Variants in TMEM117 observed in about 807,000 individuals in gnomAD.
TMEM117 encodes transmembrane protein 117.
A neutral mutation model predicts 52.4 loss-of-function variants in TMEM117; 27 were observed. The observed-to-expected ratio is 0.51, with a 90% CI of 0.38 to 0.71. The LOEUF is 0.71. TMEM117 is among the 30% of genes least tolerant of loss of function. The pLI is 0.00. For missense variants in TMEM117, 556 were observed against 630.5 expected, an observed-to-expected ratio of 0.88 and a Z score of 1.26; for synonymous variants, 215 against 206.3, an observed-to-expected ratio of 1.04 and a Z score of -0.36.
intron 6 of TMEM117, among the ~76,000 whole-genome samples, chr12:44,330,001 TA>T (rs1239020438): frequency 6.6e-6 from 1 of 152,086 alleles, no homozygotes; most frequent in Non-Finnish European, 1.5e-5. Context: ...TTCAAGTTCC[TA>T]CTTTCAGGGG....
In TMEM117 at chr12:44,323,857, A is replaced by G. The variant is rs181143720; in HGVS notation, c.768+24118A>G. ...CTATATTTATAAATGAGGTGTGTGT[A>G]TTCTTTTTTTCCTGCAATTTTTAAA... On this transcript the variant is annotated intron_variant, in intron 6 of 7. Coordinates refer to ENST00000266534, the MANE Select transcript of TMEM117 (RefSeq NM_032256.3). Among the ~76,000 whole-genome samples, 140 of 152,168 alleles carry G rather than the reference A, an allele frequency of 9.2e-4. 1 individual carries two copies. The highest frequency in any genetic ancestry group is 2.9e-3 in the African/African-American group (122 of 41,556).
At chr12:44,191,688 G>T (rs1416808844) in intron 4 of TMEM117, among the ~76,000 whole-genome samples, 6 of 151,968 alleles carry the variant, frequency 3.9e-5, no homozygotes, top group Non-Finnish European at 8.8e-5. Context: ...CCTCATCCAG[G>T]TCTCACAACA....
chr12:44,299,333 G>A (rs7966220), intron 5 of TMEM117, among the ~76,000 whole-genome samples: 7,152 of 151,936 alleles, frequency 0.047, 345 homozygotes, highest in African/African-American at 0.12. Context: ...GGGATTCACC[G>A]TGTTGGACAG....
intron 6 of TMEM117, among the ~76,000 whole-genome samples, chr12:44,354,204 G>A (rs1311580673): frequency 6.6e-6 from 1 of 152,032 alleles, no homozygotes; most frequent in African/African-American, 2.4e-5. Flanking sequence ...CTGAGACGAT[G>A]GGTTTTCTAG....
downstream of TMEM117, among the ~76,000 whole-genome samples, chr12:44,393,480 A>G (rs1952170015): frequency 6.9e-6 from 1 of 143,994 alleles, no homozygotes; most frequent in African/African-American, 2.7e-5. Flanking sequence ...AGTAGGGTTA[A>G]TTTCACTATA....
At chr12:44,393,047 A>G (rs1952168338), downstream of TMEM117, among the ~76,000 whole-genome samples, 1 of 152,206 alleles carries the variant, frequency 6.6e-6, no homozygotes, top group African/African-American at 2.4e-5. Flanking sequence ...GAGATTCTGA[A>G]AAAATTTAAT....
intron 2 of TMEM117, among the ~76,000 whole-genome samples, chr12:43,880,602 A>G: frequency 6.6e-6 from 1 of 152,276 alleles, no homozygotes; most frequent in Non-Finnish European, 1.5e-5. Context: ...GGTGCCTTGG[A>G]ACTGGGTGCA....
chr12:43,907,680 C>G (rs1040141687), intron 2 of TMEM117, among the ~76,000 whole-genome samples: 2 of 151,298 alleles, frequency 1.3e-5, no homozygotes, highest in Non-Finnish European at 2.9e-5. Flanking sequence ...AACCAAGGCT[C>G]GAGAACTACA....
At chr12:44,104,083 T>C (rs901739659) in intron 3 of TMEM117, among the ~76,000 whole-genome samples, 2 of 152,008 alleles carry the variant, frequency 1.3e-5, no homozygotes, top group Non-Finnish European at 2.9e-5. Context: ...ATAAGCAAGA[T>C]ATGGAGTTAA....
chr12:44,193,325 C>T (rs1279312136), intron 4 of TMEM117, among the ~76,000 whole-genome samples: 1 of 152,172 alleles, frequency 6.6e-6, no homozygotes, highest in Non-Finnish European at 1.5e-5. Flanking sequence ...ATAAAACAGA[C>T]GGATAAGTAA....
At chr12:43,830,607 T>A in the TMEM117 span, among the ~76,000 whole-genome samples, 1 of 125,926 alleles carries the variant, frequency 7.9e-6, no homozygotes, top group Non-Finnish European at 1.6e-5. Flanking sequence ...AAGACACTTG[T>A]CTCAAAAAAA....
chr12:43,805,828 C>A, the TMEM117 span: 1 of 1,384,544 alleles, frequency 7.2e-7, no homozygotes, highest in Non-Finnish European at 9.6e-7. Context: ...AAAGAAAACT[C>A]GCCTGGTTCT....
chr12:43,814,738 CTT>C, the TMEM117 span, among the ~76,000 whole-genome samples: 138 of 107,638 alleles, frequency 1.3e-3, no homozygotes, highest in East Asian at 0.02. Flanking sequence ...GGGTTTGAAT[CTT>C]TTTTTTTTTT....
chr12:43,813,848 T>C, the TMEM117 span, among the ~76,000 whole-genome samples: 3 of 152,124 alleles, frequency 2.0e-5, no homozygotes, highest in Admixed American at 2.0e-4. Flanking sequence ...TTAAACTCTG[T>C]TTTTCCCTCC....
At chr12:43,802,184 T>A in the TMEM117 span, 1 of 730,030 alleles carries the variant, frequency 1.4e-6, no homozygotes, top group East Asian at 3.1e-5. Flanking sequence ...CATTCCCTTC[T>A]ATGGGAAATA....
intron 3 of TMEM117, among the ~76,000 whole-genome samples, chr12:43,951,730 T>G (rs866772355): frequency 6.6e-6 from 1 of 152,058 alleles, no homozygotes; most frequent in East Asian, 1.9e-4. Context: ...TCTGAAGAGA[T>G]TGATGAGGGC....
intron 2 of TMEM117, among the ~76,000 whole-genome samples, chr12:43,897,312 C>CTT (rs11312930): frequency 4.9e-5 from 5 of 101,966 alleles, no homozygotes; most frequent in East Asian, 5.5e-4. Context: ...TGTAACCATT[C>CTT]TTTTTTTTTT....
chr12:44,314,928 T>C (rs1306388217), intron 6 of TMEM117, among the ~76,000 whole-genome samples: 1 of 152,180 alleles, frequency 6.6e-6, no homozygotes, highest in Non-Finnish European at 1.5e-5. Context: ...TAATTCAATT[T>C]TGTAACTGGG....
chr12:44,352,449 C>T (rs1951577455), intron 6 of TMEM117, among the ~76,000 whole-genome samples: 1 of 151,974 alleles, frequency 6.6e-6, no homozygotes, highest in Non-Finnish European at 1.5e-5. Context: ...TCCCCACTTT[C>T]CCCACCCCAC....
Sources: gnomAD v4.1 joint callset for allele counts (sites outside exome capture counted in the v4.1 genomes callset) on GRCh38, gnomAD v4.1.1 for gene constraint, MANE v1.5 for transcripts, NCBI Gene and HGNC (gene_info 2026-07-23, HGNC 2026-07-21) for gene names.